Variants in CDH12 observed in about 807,000 individuals in gnomAD.
CDH12 encodes cadherin-12.
In CDH12, 41 loss-of-function variants were observed where a neutral mutation model predicts 74.1. The ratio of observed to expected loss-of-function variants is 0.55; its 90% CI spans 0.43 to 0.72. The LOEUF is 0.72. CDH12 is among the 30% of genes least tolerant of loss of function. CDH12 has a pLI of 0.00. For synonymous variants in CDH12, 399 were observed against 355.0 expected, an observed-to-expected ratio of 1.12 and a Z score of -1.39; for missense variants, 945 against 977.2, an observed-to-expected ratio of 0.97 and a Z score of 0.44.
intron 1 of CDH12, among the ~76,000 whole-genome samples, chr5:22,659,299 C>G (rs1479773865): frequency 1.3e-5 from 2 of 152,156 alleles, no homozygotes; most frequent in Non-Finnish European, 2.9e-5. Context: ...AGAGAAATTA[C>G]CTCTATCTCG....
intron 1 of CDH12, among the ~76,000 whole-genome samples, chr5:22,732,537 C>T (rs1744486271): frequency 6.6e-6 from 1 of 151,164 alleles, no homozygotes; most frequent in South Asian, 2.1e-4. Flanking sequence ...CCAGAGTATG[C>T]CATTCACTGA....
At chr5:22,071,326 T>A (rs1741927602) in intron 5 of CDH12, among the ~76,000 whole-genome samples, 1 of 152,146 alleles carries the variant, frequency 6.6e-6, no homozygotes, top group Non-Finnish European at 1.5e-5. Flanking sequence ...CATTTATGCT[T>A]TTGAAATATC....
intron 14 of CDH12, among the ~76,000 whole-genome samples, chr5:21,754,744 A>G (rs1744290504): frequency 6.6e-6 from 1 of 152,164 alleles, no homozygotes; most frequent in East Asian, 1.9e-4. Flanking sequence ...ATATGCATAC[A>G]TAATTTGATT....
chr5:22,401,357 C>A (rs1561375698), intron 3 of CDH12, among the ~76,000 whole-genome samples: 1 of 152,084 alleles, frequency 6.6e-6, no homozygotes, highest in South Asian at 2.1e-4. Context: ...GGGATCTCTA[C>A]CTACCAAAAA....
At chr5:22,760,733 C>T (rs1395436648) in intron 1 of CDH12, among the ~76,000 whole-genome samples, 1 of 132,910 alleles carries the variant, frequency 7.5e-6, no homozygotes, top group Middle Eastern at 4.5e-3. Context: ...AAAATCAATA[C>T]GTCAAACATT....
intron 5 of CDH12, among the ~76,000 whole-genome samples, chr5:22,025,831 A>G (rs545202523): frequency 6.6e-6 from 1 of 152,310 alleles, no homozygotes; most frequent in East Asian, 1.9e-4. Context: ...TTTCCATCTT[A>G]ACAAATCACT....
intron 7 of CDH12, among the ~76,000 whole-genome samples, chr5:21,846,448 G>A (rs780817712): frequency 5.3e-5 from 8 of 151,918 alleles, no homozygotes; most frequent in East Asian, 1.9e-4. Flanking sequence ...AGACAATGAC[G>A]CCACTTCAAG....
At chr5:22,318,129 C>T (rs1290431368) in intron 3 of CDH12, among the ~76,000 whole-genome samples, 2 of 152,142 alleles carry the variant, frequency 1.3e-5, no homozygotes, top group Admixed American at 6.5e-5. Flanking sequence ...AGAGTAACTT[C>T]GATGTGCCAA....
At chr5:22,383,876 T>C (rs1371734023) in intron 3 of CDH12, among the ~76,000 whole-genome samples, 1 of 152,186 alleles carries the variant, frequency 6.6e-6, no homozygotes, top group Non-Finnish European at 1.5e-5. Flanking sequence ...GAGGACTGTG[T>C]AATGTATACA....
intron 1 of CDH12, among the ~76,000 whole-genome samples, chr5:22,635,387 C>T (rs1738786499): frequency 6.6e-6 from 1 of 152,090 alleles, no homozygotes; most frequent in Non-Finnish European, 1.5e-5. Context: ...AAATTATAAA[C>T]TTATAAAAGA....
At chr5:22,838,204 T>C (rs1271231466) in intron 1 of CDH12, among the ~76,000 whole-genome samples, 1 of 152,182 alleles carries the variant, frequency 6.6e-6, no homozygotes, top group Non-Finnish European at 1.5e-5. Context: ...TTTCCTTGGC[T>C]GTAGACCCGT....
intron 1 of CDH12, among the ~76,000 whole-genome samples, chr5:22,817,542 T>G (rs1356364398): frequency 6.6e-6 from 1 of 152,130 alleles, no homozygotes; most frequent in Admixed American, 6.6e-5. Flanking sequence ...TAACTGATAA[T>G]TATAGTTATA....
chr5:21,880,933 A>G (rs1047515203), intron 6 of CDH12, among the ~76,000 whole-genome samples: 14 of 151,934 alleles, frequency 9.2e-5, no homozygotes, highest in African/African-American at 2.9e-4. Flanking sequence ...GTACAGAAAC[A>G]TAGGAAACTT....
intron 6 of CDH12, among the ~76,000 whole-genome samples, chr5:21,873,874 G>GGTATCTGGTTTTCTGCTCCTGC (rs146258055): frequency 6.6e-6 from 1 of 151,506 alleles, no homozygotes. Flanking sequence ...GAGAACATGC[G>GGTATCTGGTTTTCTGCTCCTGC]GTTACTTTTC....
chr5:21,857,545 C>G (rs779043782), intron 6 of CDH12, among the ~76,000 whole-genome samples: 1 of 151,712 alleles, frequency 6.6e-6, no homozygotes, highest in Non-Finnish European at 1.5e-5. Flanking sequence ...ATAGTAATAA[C>G]TATATTCTAT....
intron 3 of CDH12, among the ~76,000 whole-genome samples, chr5:22,345,949 C>CA (rs1740090988): frequency 6.6e-6 from 1 of 151,676 alleles, no homozygotes; most frequent in Admixed American, 6.6e-5. Context: ...ACTAAAAATA[C>CA]AAAAAAATTA....
intron 4 of CDH12, among the ~76,000 whole-genome samples, chr5:22,201,332 A>C (rs1750913775): frequency 6.6e-6 from 1 of 152,178 alleles, no homozygotes; most frequent in South Asian, 2.1e-4. Flanking sequence ...AAAACGGAAT[A>C]CTATTCACAC....
At chr5:22,311,840 A>G (rs999946081) in intron 3 of CDH12, among the ~76,000 whole-genome samples, 2 of 152,104 alleles carry the variant, frequency 1.3e-5, no homozygotes, top group African/African-American at 4.8e-5. Context: ...CACACAGCTC[A>G]GACTGCTCTA....
intron 3 of CDH12, among the ~76,000 whole-genome samples, chr5:22,217,758 A>G (rs1251675697): frequency 6.6e-6 from 1 of 151,764 alleles, no homozygotes; most frequent in Non-Finnish European, 1.5e-5. Flanking sequence ...CATTAAACAA[A>G]TGGACATATA....
Sources: gnomAD v4.1 joint callset for allele counts (sites outside exome capture counted in the v4.1 genomes callset) on GRCh38, gnomAD v4.1.1 for gene constraint, MANE v1.5 for transcripts, NCBI Gene and HGNC (gene_info 2026-07-23, HGNC 2026-07-21) for gene names.